Variants in NDUFAF6 observed in about 807,000 individuals in gnomAD.
NDUFAF6 encodes NADH dehydrogenase (ubiquinone) complex I, assembly factor 6.
Under a neutral mutation model 40.8 loss-of-function variants are expected in NDUFAF6, and 45 were observed. That is an observed-to-expected ratio of 1.10 (90% confidence interval 0.87 to 1.42). The LOEUF is 1.42. Among genes scored for constraint, NDUFAF6 ranks in the 40% most tolerant of loss-of-function variants. NDUFAF6 has a pLI of 0.00. For missense variants in NDUFAF6, 435 were observed against 418.5 expected (o/e 1.04, Z -0.34); for synonymous variants, 185 against 155.9 (o/e 1.19, Z -1.39).
chr8:94,909,829 C>CAT (rs1274799408), intron 1 of NDUFAF6, among the ~76,000 whole-genome samples: 63 of 139,182 alleles, frequency 4.5e-4, no homozygotes, highest in Admixed American at 2.1e-3. Context: ...CACACACACA[C>CAT]ATATATATAT....
downstream of NDUFAF6, among the ~76,000 whole-genome samples, chr8:95,077,921 A>G (rs1358692473): frequency 6.6e-6 from 1 of 151,974 alleles, no homozygotes; most frequent in Non-Finnish European, 1.5e-5. Flanking sequence ...CCCGAGATGG[A>G]GCTCATGGTG....
At chr8:95,073,626 A>G (rs1052542391) in intron 9 of NDUFAF6, among the ~76,000 whole-genome samples, 1 of 152,074 alleles carries the variant, frequency 6.6e-6, no homozygotes, top group African/African-American at 2.4e-5. Flanking sequence ...GCTCATTCTA[A>G]CACCTTCACT....
intron 9 of NDUFAF6, among the ~76,000 whole-genome samples, chr8:95,064,807 G>A (rs1225664031): frequency 6.6e-6 from 1 of 152,252 alleles, no homozygotes; most frequent in East Asian, 1.9e-4. Flanking sequence ...ATACGCTGGG[G>A]GAAGGAATGC....
intron 1 of NDUFAF6, among the ~76,000 whole-genome samples, chr8:94,903,127 T>C (rs1207272943): frequency 6.6e-6 from 1 of 152,060 alleles, no homozygotes; most frequent in Non-Finnish European, 1.5e-5. Flanking sequence ...CCCAGCACTT[T>C]GGGAGGTGGA....
chr8:94,952,557 T>C (rs1212880366), intron 2 of NDUFAF6, among the ~76,000 whole-genome samples: 1 of 152,218 alleles, frequency 6.6e-6, no homozygotes, highest in Non-Finnish European at 1.5e-5. Flanking sequence ...ACATCTATTG[T>C]CTTAAGGGAA....
chr8:95,069,846 AT>A lies in NDUFAF6; in HGVS notation c.*512-5780del, dbSNP rs537696685. Among the ~76,000 whole-genome samples, 28 of 146,714 alleles carry A rather than the reference AT, an allele frequency of 1.9e-4. No individual in the cohort carries two copies. In the South Asian group the frequency reaches 5.7e-3, roughly 30 times the overall value. On this transcript the variant is annotated intron_variant and NMD_transcript_variant, in intron 9 of 9. Coordinates refer to the NDUFAF6 transcript ENST00000520757. ...ATATATAATATATATGTATAATATTATTTTTTTCCAAAGATCTTAATTCACA... is the reference window on the plus strand; with the variant it reads ...ATATATAATATATATGTATAATATTATTTTTTCCAAAGATCTTAATTCACA...
chr8:95,047,554 G>A (rs1830930941), intron 6 of NDUFAF6, among the ~76,000 whole-genome samples: 1 of 141,572 alleles, frequency 7.1e-6, no homozygotes, highest in Admixed American at 7.5e-5. Context: ...CTGTCACCCA[G>A]GCTGGAGTGC....
intron 4 of NDUFAF6, among the ~76,000 whole-genome samples, chr8:95,115,234 T>C (rs1810107270): frequency 6.6e-6 from 1 of 152,142 alleles, no homozygotes; most frequent in African/African-American, 2.4e-5. Flanking sequence ...CACCTCAATA[T>C]TTGTCAGCAC....
intron 7 of NDUFAF6, among the ~76,000 whole-genome samples, chr8:95,048,880 C>T (rs979060169): frequency 6.6e-6 from 1 of 152,200 alleles, no homozygotes; most frequent in Non-Finnish European, 1.5e-5. Flanking sequence ...CTCTCGTCCC[C>T]CTCCCAGGGG....
chr8:95,010,641 G>A (rs1336371725), intron 2 of NDUFAF6, among the ~76,000 whole-genome samples: 1 of 152,194 alleles, frequency 6.6e-6, no homozygotes, highest in African/African-American at 2.4e-5. Context: ...ACTAAGTCAA[G>A]TAGTGACTAT....
At chr8:95,077,172 A>C (rs1241590498), downstream of NDUFAF6, among the ~76,000 whole-genome samples, 2 of 152,208 alleles carry the variant, frequency 1.3e-5, no homozygotes, top group Non-Finnish European at 2.9e-5. Flanking sequence ...ACCTTCCACA[A>C]CTGTGAGGAA....
At chr8:95,008,951 CT>C (rs1463733113) in intron 2 of NDUFAF6, among the ~76,000 whole-genome samples, 1 of 152,038 alleles carries the variant, frequency 6.6e-6, no homozygotes, top group African/African-American at 2.4e-5. Context: ...AATCATAGCA[CT>C]TAGGGAGGCT....
intron 2 of NDUFAF6, among the ~76,000 whole-genome samples, chr8:94,992,096 A>AC (rs1277831795): frequency 6.6e-6 from 1 of 152,162 alleles, no homozygotes; most frequent in Admixed American, 6.5e-5. Context: ...ATTTTGTACT[A>AC]CCCAGCAATG....
intron 9 of NDUFAF6, among the ~76,000 whole-genome samples, chr8:95,073,534 C>T (rs1021108046): frequency 2.0e-5 from 3 of 152,202 alleles, no homozygotes; most frequent in Non-Finnish European, 2.9e-5. Context: ...TCCTCCTCCC[C>T]CATTCCAGGT....
At chr8:95,034,653 A>G (rs1310913026) in intron 2 of NDUFAF6, 1 of 152,494 alleles carries the variant, frequency 6.6e-6, no homozygotes, top group East Asian at 1.9e-4. Flanking sequence ...TCCTAGCGTA[A>G]TATTACCTAA....
chr8:95,075,724 T>C (rs1311468883), exon 10 of NDUFAF6: 2 of 1,287,346 alleles, frequency 1.6e-6, no homozygotes, highest in Admixed American at 2.3e-5. Context: ...TTTGAAGGAC[T>C]CTGGTTCTAG....
intron 3 of NDUFAF6, among the ~76,000 whole-genome samples, chr8:95,036,796 G>T (rs1343323648): frequency 6.6e-6 from 1 of 152,202 alleles, no homozygotes; most frequent in African/African-American, 2.4e-5. Context: ...GCCAATTTAG[G>T]ATTGCTAAAT....
At chr8:94,923,277 T>C (rs1005056886) in intron 1 of NDUFAF6, among the ~76,000 whole-genome samples, 4 of 152,146 alleles carry the variant, frequency 2.6e-5, no homozygotes, top group African/African-American at 9.7e-5. Context: ...GTGGAACTGT[T>C]AGGTCCAGAG....
In NDUFAF6 at chr8:94,970,071, A is replaced by G. The variant is rs541980696; in HGVS notation, c.-198-10788A>G. 4.1e-4 allele frequency among the ~76,000 whole-genome samples: 63 copies of G among 152,252 alleles called. No homozygotes were observed. The Middle Eastern group carries it at 0.014, about 33-fold the overall frequency. ...GGAGATCAGGACCATCCTGGCTAAC[A>G]TGGTGAAACCCCGTCTCTACTAAAA... On this transcript the variant is annotated intron_variant, in intron 1 of 9. Coordinates refer to the NDUFAF6 transcript ENST00000396111.
Sources: allele counts gnomAD v4.1 joint callset (sites outside exome capture counted in the v4.1 genomes callset), GRCh38; gene constraint gnomAD v4.1.1; transcripts MANE v1.5; gene names NCBI Gene and HGNC (gene_info 2026-07-23, HGNC 2026-07-21).